GFOD1: variants seen among roughly 807,000 people sequenced by gnomAD.
GFOD1 encodes glucose-fructose oxidoreductase domain-containing protein 1.
Under a neutral mutation model 25.4 loss-of-function variants are expected in GFOD1, and 9 were observed. That is an observed-to-expected ratio of 0.35 (90% CI 0.21 to 0.62). GFOD1 has a LOEUF of 0.62. Ranked by LOEUF, GFOD1 falls within the 20% of genes least tolerant of loss-of-function variation. GFOD1 has a pLI of 0.72. For missense variants in GFOD1, 403 were observed against 556.9 expected (o/e 0.72, Z 2.78); for synonymous variants, 253 against 245.6 (o/e 1.03, Z -0.28).
intron 1 of GFOD1, among the ~76,000 whole-genome samples, chr6:13,403,109 G>GTT (rs145172680): frequency 8.3e-5 from 11 of 131,868 alleles, no homozygotes; most frequent in Non-Finnish European, 1.5e-4. Context: ...TGTGTGTGTG[G>GTT]TTTTTTTTTT....
chr6:13,378,965 G>T (rs1785307687), intron 1 of GFOD1, among the ~76,000 whole-genome samples: 1 of 152,084 alleles, frequency 6.6e-6, no homozygotes, highest in African/African-American at 2.4e-5. Flanking sequence ...TGCTGGTGTG[G>T]CCTAACAGAG....
intron 1 of GFOD1, among the ~76,000 whole-genome samples, chr6:13,425,872 G>GA (rs35815438): frequency 0.032 from 4,178 of 130,382 alleles, 181 homozygotes; most frequent in African/African-American, 0.099. Flanking sequence ...GATAAGCTAG[G>GA]AAAAAAAAAA....
intron 1 of GFOD1, among the ~76,000 whole-genome samples, chr6:13,457,535 G>C (rs1404765866): frequency 6.6e-6 from 1 of 152,168 alleles, no homozygotes; most frequent in Non-Finnish European, 1.5e-5. Flanking sequence ...CACACCCAGG[G>C]ATGATGGAGC....
At chr6:13,480,331 C>T (rs1341947211) in intron 1 of GFOD1, among the ~76,000 whole-genome samples, 2 of 152,222 alleles carry the variant, frequency 1.3e-5, no homozygotes, top group African/African-American at 4.8e-5. Flanking sequence ...GATGTCATCA[C>T]ATTCCACACA....
chr6:13,400,421 G>C (rs558400824), intron 1 of GFOD1, among the ~76,000 whole-genome samples: 31 of 152,182 alleles, frequency 2.0e-4, no homozygotes, highest in Admixed American at 5.9e-4. Context: ...ATGGGTTAGT[G>C]CCTGGCCATA....
intron 1 of GFOD1, chr6:13,408,199 G>C (rs1785982366): frequency 1.7e-6 from 1 of 579,354 alleles, no homozygotes; most frequent in African/African-American, 2.0e-5. Flanking sequence ...ATTGAATGTG[G>C]CCTTGGGCCA....
chr6:13,429,977 T>C (rs1757720382), intron 1 of GFOD1, among the ~76,000 whole-genome samples: 1 of 152,158 alleles, frequency 6.6e-6, no homozygotes, highest in Non-Finnish European at 1.5e-5. Flanking sequence ...CACTTCCTGA[T>C]GAAGAAGTGA....
At position 13,360,046 on chromosome 6, in the gene GFOD1, A is replaced by G. The variant is rs570576487; in HGVS notation, c.*4697T>C. 8 of 152,218 alleles carry G rather than the reference A, an allele frequency of 5.3e-5. No individual in the cohort carries two copies. Among genetic ancestry groups the G allele is most frequent in the African/African-American group, 1.4e-4 (6 of 41,430 alleles). The allele number at this position is 152,218 out of a possible 1,614,324, so 9.4% of individuals were successfully genotyped here. A position where few individuals can be genotyped will look rare whatever the true frequency, so the allele number is the denominator to read the frequency against. On this transcript the variant is annotated 3_prime_UTR_variant, in exon 2 of 2. Transcript: ENST00000379287. Reference sequence around the variant, plus strand: ...CAACTTCTCTGCCACTAGCCACAGGACTTCAGACAAGTCACTTCATCTCTC... The same window carrying G: ...CAACTTCTCTGCCACTAGCCACAGGGCTTCAGACAAGTCACTTCATCTCTC...
chr6:13,445,778 A>C (rs1352324660), intron 1 of GFOD1, among the ~76,000 whole-genome samples: 1 of 152,250 alleles, frequency 6.6e-6, no homozygotes. Flanking sequence ...ACTCAGGACT[A>C]ATCTTCAAGA....
chr6:13,377,418 C>G (rs549952654), intron 1 of GFOD1, among the ~76,000 whole-genome samples: 1 of 152,264 alleles, frequency 6.6e-6, no homozygotes, highest in South Asian at 2.1e-4. Flanking sequence ...GTTGGTTGAA[C>G]TTGGTTCCTT....
At chr6:13,474,629 C>T (rs1758577400) in intron 1 of GFOD1, among the ~76,000 whole-genome samples, 1 of 152,138 alleles carries the variant, frequency 6.6e-6, no homozygotes, top group Admixed American at 6.5e-5. Flanking sequence ...CTTTCAAGGA[C>T]AAAGACCATG....
intron 1 of GFOD1, among the ~76,000 whole-genome samples, chr6:13,467,408 C>G (rs1353667509): frequency 6.6e-6 from 1 of 152,156 alleles, no homozygotes; most frequent in Non-Finnish European, 1.5e-5. Flanking sequence ...GCCTGTCCAG[C>G]TCTCTGGCCA....
At chr6:13,486,318 A>G in intron 1 of GFOD1, 1 of 330,630 alleles carries the variant, frequency 3.0e-6, no homozygotes, top group East Asian at 8.7e-5. Context: ...CTTCTCGCGG[A>G]GCACCCTATC....
At chr6:13,482,039 C>T (rs910702681) in intron 1 of GFOD1, among the ~76,000 whole-genome samples, 1 of 151,118 alleles carries the variant, frequency 6.6e-6, no homozygotes, top group African/African-American at 2.4e-5. Flanking sequence ...AGCAATAATA[C>T]TTTCACATTC....
At chr6:13,370,894 GA>G (rs1477713333) in intron 1 of GFOD1, among the ~76,000 whole-genome samples, 1 of 152,200 alleles carries the variant, frequency 6.6e-6, no homozygotes, top group Non-Finnish European at 1.5e-5. Flanking sequence ...TTCTCCCGAA[GA>G]AAGCACACAG....
At position 13,365,390 on chromosome 6, in the gene GFOD1, C is replaced by T. The variant is rs753393250; in HGVS notation, c.526G>A (p.Val176Met). ...AGCAGGTCGATGATGTAGGTGCCCA[C>T]GGAGTGCAGGCCGCCGCCGCCCATC... ...DLMGGGGLHSVGTYIIDLLTF... is the reference protein window; with the variant it reads ...DLMGGGGLHSMGTYIIDLLTF... The change falls in exon 2 of 2, where the codon GTG (valine) becomes ATG (methionine). Residue 176 changes from valine (V) to methionine (M), a missense_variant. By Grantham distance (21) the Val-to-Met change is conservative. Coordinates refer to ENST00000379287, the MANE Select transcript of GFOD1 (RefSeq NM_018988.4). The surrounding 1 kb of genome is among the most constrained non-coding windows in gnomAD (Gnocchi z 9.2). 1.2e-6 allele frequency: 2 copies of T among 1,613,904 alleles called. No homozygotes were observed. The highest frequency in any genetic ancestry group is 2.7e-5 in the African/African-American group (2 of 74,936).
Position 13,487,151 on chromosome 6 carries a change from A to C in GFOD1, c.-261T>G. ...GTCCTTCCCGGAGTCGGCGGCAGGG[A>C]CCCCCCCAGGGCGCCGGAGGCTTCG... On this transcript the variant is annotated 5_prime_UTR_variant, in exon 1 of 2. Transcript: ENST00000379287. This position sits in a 1 kb window ranked among gnomAD's most constrained non-coding sequence, Gnocchi z 4.9. The C allele has an allele frequency of 9.2e-6, 4 of 434,594 alleles. No homozygotes were observed. The highest frequency in any genetic ancestry group is 4.7e-5 in the South Asian group (1 of 21,438). The allele number at this position is 434,594 out of a possible 1,614,324, so 26.9% of individuals were successfully genotyped here.
intron 1 of GFOD1, chr6:13,472,013 TG>T: frequency 2.5e-5 from 4 of 160,454 alleles, no homozygotes; most frequent in Non-Finnish European, 5.4e-5. Context: ...CTCGGAATCA[TG>T]GGGGGAGGTG....
At chr6:13,418,877 G>A (rs1455491293) in intron 1 of GFOD1, among the ~76,000 whole-genome samples, 1 of 152,182 alleles carries the variant, frequency 6.6e-6, no homozygotes, top group Non-Finnish European at 1.5e-5. Context: ...ACTGGGAAAT[G>A]TTTCTCAGTC....
Sources: allele counts gnomAD v4.1 joint callset (sites outside exome capture counted in the v4.1 genomes callset), GRCh38; gene constraint gnomAD v4.1.1; non-coding constraint Gnocchi (gnomAD v3.1); transcripts MANE v1.5; gene names NCBI Gene and HGNC (gene_info 2026-07-23, HGNC 2026-07-21).